IQSEC3: variants seen among roughly 807,000 people sequenced by gnomAD.
The protein encoded by IQSEC3 is IQ motif and Sec7 domain ArfGEF 3.
In IQSEC3, 50 loss-of-function variants were observed where a neutral mutation model predicts 105.4. The ratio of observed to expected loss-of-function variants is 0.47; its 90% CI spans 0.38 to 0.60. The LOEUF (loss-of-function observed/expected upper bound fraction) is 0.60, where lower values mean the gene tolerates loss of function less well. Among genes scored for constraint, IQSEC3 ranks in the 20% least tolerant of loss-of-function variants. The pLI, the probability that IQSEC3 is intolerant of heterozygous loss-of-function variation, is 0.00. For synonymous variants in IQSEC3, 708 were observed against 746.0 expected (o/e 0.95, Z 0.83); for missense variants, 1,415 against 1,630.0 (o/e 0.87, Z 2.27).
chr12:168,838 G>A (rs1239549763), intron 11 of IQSEC3, 175 bp from the exon 12 acceptor site: 1 of 624,650 alleles, frequency 1.6e-6, no homozygotes, highest in Admixed American at 2.8e-5. Context: ...CGGCTCCGAG[G>A]GGGTATTTAA....
rs1278097560 is a variant in IQSEC3, at chr12:125,931, G to GA, written c.903+19_903+20insA. 7.2e-6 allele frequency: 11 copies of GA among 1,528,358 alleles called. No individual in the cohort carries two copies. The highest frequency in any genetic ancestry group is 9.6e-6 in the Non-Finnish European group (11 of 1,144,610). 94.7% of individuals were successfully genotyped at this position (1,528,358 alleles called of 1,614,324 possible). A position where few individuals can be genotyped will look rare whatever the true frequency, so the allele number is the denominator to read the frequency against. On this transcript the variant is annotated intron_variant, in intron 3 of 13. Transcript: ENST00000538872. Reference sequence around the variant, plus strand: ...TAAACAGGTACCCAGGGCCTCCTAGGGGGGCGGGGAGGGTGGTGAAGGGGC... The same window carrying GA: ...TAAACAGGTACCCAGGGCCTCCTAGGAGGGGCGGGGAGGGTGGTGAAGGGGC...
intron 2 of IQSEC3, among the ~76,000 whole-genome samples, chr12:110,997 AC>A (rs1201708983): frequency 6.6e-6 from 1 of 151,436 alleles, no homozygotes; most frequent in Non-Finnish European, 1.5e-5. Flanking sequence ...CTTCTTCGTG[AC>A]CCCCCGATTC....
chr12:148,571 T>C (rs1028579049), intron 5 of IQSEC3: 1 of 152,232 alleles, frequency 6.6e-6, no homozygotes, highest in Non-Finnish European at 1.5e-5. Context: ...TGGCAGATCC[T>C]GCATCAGCTT....
intron 1 of IQSEC3, among the ~76,000 whole-genome samples, chr12:78,505 C>CA (rs372881150): frequency 0.45 from 61,626 of 138,358 alleles, 11,709 homozygotes; most frequent in Non-Finnish European, 0.53. Context: ...GACACCTCAG[C>CA]AAAAAAAAAA....
intron 2 of IQSEC3, among the ~76,000 whole-genome samples, chr12:117,909 T>A (rs910630714): frequency 6.6e-6 from 1 of 152,194 alleles, no homozygotes; most frequent in African/African-American, 2.4e-5. Flanking sequence ...AGGCTTATGC[T>A]GTGTCACTGG....
Position 162,020 on chromosome 12 carries a change from C to CA in IQSEC3, c.2539dup (p.Thr847AsnfsTer54). 1.2e-6 allele frequency: 2 copies of CA among 1,613,820 alleles called. No homozygotes were observed. Among genetic ancestry groups the CA allele is most frequent in the Non-Finnish European group, 1.7e-6 (2 of 1,180,000 alleles). On this transcript the variant is annotated frameshift_variant, in exon 8 of 14. Transcript: ENST00000538872. LOFTEE classifies it high-confidence loss of function. ...AGCTCAAGTCCAATGAGGACCACGT[C>CA]ACGTACGTCACCAAGGTGGAGAAGT...
Position 175,099 on chromosome 12 carries a change from C to A in IQSEC3, c.*66C>A. Reference sequence around the variant, plus strand: ...CTGGGGGGCCTGGGCTGCCCCTCCACTGCTCCCCATACCCTGGCACGATGC... The same window carrying A: ...CTGGGGGGCCTGGGCTGCCCCTCCAATGCTCCCCATACCCTGGCACGATGC... On this transcript the variant is annotated 3_prime_UTR_variant, in exon 14 of 14. Transcript: ENST00000538872. The A allele has an allele frequency of 8.1e-7, 1 of 1,238,802 alleles. No homozygotes were observed. The highest frequency in any genetic ancestry group is 1.1e-6 in the Non-Finnish European group (1 of 914,698). The allele number at this position is 1,238,802 out of a possible 1,614,324, so 76.7% of individuals were successfully genotyped here.
At chr12:169,180 A>G in intron 12 of IQSEC3, 75 bp downstream of exon 12, 1 of 1,205,254 alleles carries the variant, frequency 8.3e-7, no homozygotes, top group East Asian at 2.4e-5. Flanking sequence ...GTCCTGGGCA[A>G]TCTGCAGGGA....
chr12:100,674 A>G (rs1864395908), intron 2 of IQSEC3, among the ~76,000 whole-genome samples: 1 of 152,188 alleles, frequency 6.6e-6, no homozygotes, highest in Non-Finnish European at 1.5e-5. Context: ...GTCCTCTGTG[A>G]CAAGTTTTGG....
At chr12:135,906 C>T (rs543956477) in intron 3 of IQSEC3, among the ~76,000 whole-genome samples, 21 of 152,274 alleles carry the variant, frequency 1.4e-4, no homozygotes, top group African/African-American at 2.9e-4. Flanking sequence ...GGTGAGATCC[C>T]GAGCAGATAA....
intron 1 of IQSEC3, among the ~76,000 whole-genome samples, chr12:96,239 G>A (rs1451488902): frequency 1.3e-5 from 2 of 152,180 alleles, no homozygotes; most frequent in African/African-American, 4.8e-5. Flanking sequence ...TGGTTGAAGA[G>A]TCATTATTAT....
chr12:138,501 C>A lies in IQSEC3; in HGVS notation c.1138C>A (p.Pro380Thr), dbSNP rs148181079. 5.0e-6 allele frequency: 8 copies of A among 1,585,658 alleles called. No homozygotes were observed. The African/African-American group carries it at 1.1e-4, about 21-fold the overall frequency. ...GGAGGGCTACGGCCTCGTGGGGCTG[C>A]CGCTGGTGCGCTCGCCCTCCCTGCC... ...LMEGYGLVGL[P>T]LVRSPSLPPT... The change falls in exon 4 of 14, where the codon CCG (proline) becomes ACG (threonine). Residue 380 changes from proline (P) to threonine (T), a missense_variant. Physicochemically the swap from Pro to Thr is conservative, Grantham distance 38. This residue lies in a region of IQSEC3 where 720 missense variants were observed against 633.0 expected (regional missense o/e 1.14). Transcript: ENST00000538872. This position sits in a 1 kb window ranked among gnomAD's most constrained non-coding sequence, Gnocchi z 7.1.
At chr12:67,992 T>G (rs1863165628) in intron 1 of IQSEC3, among the ~76,000 whole-genome samples, 1 of 150,500 alleles carries the variant, frequency 6.6e-6, no homozygotes, top group African/African-American at 2.5e-5. Context: ...GCAGGAGTGA[T>G]GTGGGAAACC....
At chr12:131,279 C>T (rs1252121770) in intron 3 of IQSEC3, among the ~76,000 whole-genome samples, 2 of 152,232 alleles carry the variant, frequency 1.3e-5, no homozygotes, top group Non-Finnish European at 2.9e-5. Context: ...CATCATTCCT[C>T]CTGGTTCCTG....
intron 3 of IQSEC3, among the ~76,000 whole-genome samples, chr12:137,175 C>T (rs1386428546): frequency 6.6e-6 from 1 of 152,052 alleles, no homozygotes; most frequent in Non-Finnish European, 1.5e-5. Flanking sequence ...TTTAGCAAAT[C>T]CACGTTTACT....
At chr12:163,754 G>C in intron 9 of IQSEC3, 135 bp downstream of exon 9, 1 of 720,764 alleles carries the variant, frequency 1.4e-6, no homozygotes, top group East Asian at 2.6e-5. Flanking sequence ...CCGTGGGACG[G>C]ATCTGCCTTC....
At chr12:77,965 T>G (rs1863605780) in intron 1 of IQSEC3, among the ~76,000 whole-genome samples, 1 of 151,440 alleles carries the variant, frequency 6.6e-6, no homozygotes, top group Non-Finnish European at 1.5e-5. Flanking sequence ...CCTCCCAGCG[T>G]CCAGCCTCGC....
intron 2 of IQSEC3, among the ~76,000 whole-genome samples, chr12:119,474 C>T (rs1865150765): frequency 6.6e-6 from 1 of 152,122 alleles, no homozygotes; most frequent in African/African-American, 2.4e-5. Flanking sequence ...AGAAAAGTTC[C>T]ACAGATCTGG....
Position 174,727 on chromosome 12 carries a change from G to A in IQSEC3, c.3243G>A (p.Pro1081=), listed in dbSNP as rs550036476. 140 of 1,591,090 alleles carry A rather than the reference G, an allele frequency of 8.8e-5. No individual in the cohort carries two copies. In the East Asian group the frequency reaches 1.1e-3, roughly 13 times the overall value. Residue 1081 remains proline (P), a synonymous_variant, in exon 14 of 14, where the codon CCG becomes CCA. Coordinates refer to ENST00000538872, the MANE Select transcript of IQSEC3 (RefSeq NM_001170738.2). ...GACAGCAGACCCCACCACTGCCGCCGCCGCCACCCACGCCCCCGGGCACCC... is the reference window on the plus strand; with the variant it reads ...GACAGCAGACCCCACCACTGCCGCCACCGCCACCCACGCCCCCGGGCACCC... ...PPRQQTPPLP[P]PPPTPPGTLV...
Sources: allele counts gnomAD v4.1 joint callset (sites outside exome capture counted in the v4.1 genomes callset), GRCh38; gene constraint gnomAD v4.1.1; regional missense constraint gnomAD v4.1.1; non-coding constraint Gnocchi (gnomAD v3.1); transcripts MANE v1.5; gene names NCBI Gene and HGNC (gene_info 2026-07-23, HGNC 2026-07-21).